PCBP3: variants seen among roughly 807,000 people sequenced by gnomAD.
PCBP3 encodes the protein poly(rC) binding protein 3.
PCBP3 carries 25 observed loss-of-function variants against 52.7 expected under a neutral mutation model. The ratio of observed to expected loss-of-function variants is 0.47; its 90% CI spans 0.35 to 0.66. The LOEUF (loss-of-function observed/expected upper bound fraction) is 0.66, where lower values mean the gene tolerates loss of function less well. Ranked by LOEUF, PCBP3 falls within the 30% of genes least tolerant of loss-of-function variation. The pLI is 0.01. For missense variants in PCBP3, 391 were observed against 490.3 expected (o/e 0.80, Z 1.91); for synonymous variants, 162 against 183.0 (o/e 0.89, Z 0.93).
At position 45,800,309 on chromosome 21, in the gene PCBP3, G is replaced by A. The variant is rs569286338; in HGVS notation, c.-126+44857G>A. On this transcript the variant is annotated intron_variant, in intron 4 of 17. Transcript: ENST00000681687. This position sits in a 1 kb window ranked among gnomAD's most constrained non-coding sequence, Gnocchi z 5.3. ...CCAGGTCAGGGCTACCCCTCGCACA[G>A]CCCAGCAGGATGTGGGAGCAAGCCT... Among the ~76,000 whole-genome samples, 29 of 152,292 alleles carry A rather than the reference G, an allele frequency of 1.9e-4. No individual in the cohort carries two copies. Among genetic ancestry groups the A allele is most frequent in the African/African-American group, 6.5e-4 (27 of 41,574 alleles).
intron 5 of PCBP3, among the ~76,000 whole-genome samples, chr21:45,895,974 C>CCAG (rs1303991129): frequency 6.6e-6 from 1 of 152,240 alleles, no homozygotes; most frequent in African/African-American, 2.4e-5. Context: ...GGTGGCCTGC[C>CCAG]CAGCGTCAGG....
intron 2 of PCBP3, among the ~76,000 whole-genome samples, chr21:45,686,612 G>A (rs541711605): frequency 5.3e-5 from 8 of 152,286 alleles, no homozygotes; most frequent in Non-Finnish European, 7.4e-5. Context: ...AGGTAGAGAT[G>A]ATGAACTGTC....
chr21:45,753,897 C>A (rs1381320314), intron 3 of PCBP3, among the ~76,000 whole-genome samples: 1 of 152,156 alleles, frequency 6.6e-6, no homozygotes, highest in East Asian at 1.9e-4. Context: ...ATTTTATACA[C>A]TGGTGCCTGT....
At chr21:45,770,333 A>G (rs962211298) in intron 4 of PCBP3, among the ~76,000 whole-genome samples, 2 of 152,194 alleles carry the variant, frequency 1.3e-5, no homozygotes, top group Non-Finnish European at 1.5e-5. Context: ...TTCTTTTTAG[A>G]CTATCGTTTT....
chr21:45,646,082 T>TC (rs1555895718), intron 1 of PCBP3, among the ~76,000 whole-genome samples: 3,415 of 113,864 alleles, frequency 0.03, 133 homozygotes, highest in Non-Finnish European at 0.036. Context: ...TCTCTCTCTC[T>TC]TTCTCTCTCT....
chr21:45,731,026 G>T (rs1410247253), intron 2 of PCBP3, among the ~76,000 whole-genome samples: 6 of 152,080 alleles, frequency 3.9e-5, no homozygotes, highest in Non-Finnish European at 7.4e-5. Context: ...TATTTAATGT[G>T]ATTATTGATA....
At chr21:45,663,125 A>T (rs1409172663) in intron 1 of PCBP3, among the ~76,000 whole-genome samples, 1 of 151,448 alleles carries the variant, frequency 6.6e-6, no homozygotes, top group Non-Finnish European at 1.5e-5. Flanking sequence ...AAGTACTAAA[A>T]GTCTCTGATA....
intron 5 of PCBP3, among the ~76,000 whole-genome samples, chr21:45,874,883 T>G (rs946438458): frequency 2.6e-5 from 4 of 152,202 alleles, no homozygotes; most frequent in African/African-American, 4.8e-5. Flanking sequence ...GCTGCTGGCC[T>G]CTGGCTGTGT....
intron 2 of PCBP3, among the ~76,000 whole-genome samples, chr21:45,734,155 C>T (rs2085672571): frequency 6.6e-6 from 1 of 152,092 alleles, no homozygotes; most frequent in African/African-American, 2.4e-5. Flanking sequence ...AGTGTAGTAC[C>T]CCAGCTTAGT....
intron 2 of PCBP3, among the ~76,000 whole-genome samples, chr21:45,671,225 C>T (rs559839790): frequency 4.6e-5 from 7 of 152,314 alleles, no homozygotes; most frequent in South Asian, 2.1e-4. Flanking sequence ...CTCAGTCCTT[C>T]GCCTTGGCAC....
chr21:45,683,897 G>A (rs891893453), intron 2 of PCBP3, among the ~76,000 whole-genome samples: 1 of 151,630 alleles, frequency 6.6e-6, no homozygotes, highest in African/African-American at 2.4e-5. Flanking sequence ...CTGCACTCCA[G>A]CCTGGGCGAC....
chr21:45,848,113 C>G (rs73380675), intron 4 of PCBP3: 1 of 152,306 alleles, frequency 6.6e-6, no homozygotes, highest in Non-Finnish European at 1.5e-5. Flanking sequence ...TTGGACAAAA[C>G]GCACAAACAA....
intron 10 of PCBP3, among the ~76,000 whole-genome samples, 192 bp downstream of exon 10, chr21:45,909,678 G>A (rs887553180): frequency 2.7e-5 from 4 of 149,616 alleles, no homozygotes; most frequent in Non-Finnish European, 3.0e-5. Context: ...GCACTGCAGG[G>A]ACCCAGCCCA....
chr21:45,840,414 GC>G (rs1298842455), intron 4 of PCBP3, among the ~76,000 whole-genome samples: 1 of 144,282 alleles, frequency 6.9e-6, no homozygotes, highest in African/African-American at 2.6e-5. Flanking sequence ...CTGAGATTGC[GC>G]CACTGCACTC....
chr21:45,664,963 T>G, intron 1 of PCBP3, among the ~76,000 whole-genome samples: 1 of 152,114 alleles, frequency 6.6e-6, no homozygotes, highest in South Asian at 2.1e-4. Context: ...ACAGTTTCTT[T>G]CATCAGCATT....
rs566046789 is a variant in PCBP3, at chr21:45,791,494, G to A, written c.-126+36042G>A. 2.0e-5 allele frequency among the ~76,000 whole-genome samples: 3 copies of A among 152,178 alleles called. No individual in the cohort carries two copies. Among genetic ancestry groups the A allele is most frequent in the East Asian group, 3.9e-4 (2 of 5,144 alleles). ...GTCAAGCAAGGACAAGGAACCAAGC[G>A]GGTAGCCAGACACAAAGGCAGAGAG... is the stretch of plus-strand genomic sequence containing the variant. On this transcript the variant is annotated intron_variant, in intron 4 of 17. Transcript: ENST00000681687. The surrounding 1 kb of genome is among the most constrained non-coding windows in gnomAD (Gnocchi z 4.2).
At chr21:45,892,234 T>C (rs79296843) in intron 5 of PCBP3, among the ~76,000 whole-genome samples, 1 of 152,194 alleles carries the variant, frequency 6.6e-6, no homozygotes, top group African/African-American at 2.4e-5. Flanking sequence ...GCATTTAACC[T>C]GTCAGAGGGT....
At chr21:45,767,873 AGCAGGCAGAGGGAGGGCTGTTAGAGGG>A (rs2089498363) in intron 4 of PCBP3, among the ~76,000 whole-genome samples, 1 of 152,230 alleles carries the variant, frequency 6.6e-6, no homozygotes. Context: ...GCTGGTCCTG[AGCAGGCAGAGGGAGGGCTGTTAGAGGG>A]GCAGGCAGTG....
chr21:45,650,782 T>A (rs1456647243), intron 1 of PCBP3, among the ~76,000 whole-genome samples: 5 of 152,184 alleles, frequency 3.3e-5, no homozygotes, highest in Admixed American at 2.6e-4. Context: ...GATTCTTAAA[T>A]GGTCTGGATC....
Sources: allele counts gnomAD v4.1 joint callset (sites outside exome capture counted in the v4.1 genomes callset), GRCh38; gene constraint gnomAD v4.1.1; non-coding constraint Gnocchi (gnomAD v3.1); transcripts MANE v1.5; gene names NCBI Gene and HGNC (gene_info 2026-07-23, HGNC 2026-07-21).